Variants in SPDYE4 observed in about 807,000 individuals in gnomAD.
SPDYE4 encodes speedy protein E4.
In SPDYE4, 30 loss-of-function variants were observed where a neutral mutation model predicts 37.5. The observed-to-expected ratio is 0.80, with a 90% CI of 0.60 to 1.09. The LOEUF (loss-of-function observed/expected upper bound fraction) is 1.09. SPDYE4 is among the 50% of genes least tolerant of loss of function. SPDYE4 has a pLI of 0.00. For synonymous variants in SPDYE4, 131 were observed against 120.3 expected, an observed-to-expected ratio of 1.09 and a Z score of -0.58; for missense variants, 300 against 307.9, an observed-to-expected ratio of 0.97 and a Z score of 0.19.
chr17:8,751,334 T>A lies in SPDYE4; in HGVS notation c.*948A>T, dbSNP rs999332743. ...TATTTCTAAACTAGTTAAATAAATG[T>A]AGTAATAATGCCATGCCCATCATTT... On this transcript the variant is annotated 3_prime_UTR_variant, in exon 7 of 7. Coordinates refer to ENST00000689094, the MANE Select transcript of SPDYE4 (RefSeq NM_001394956.1). Among the ~76,000 whole-genome samples the A allele has an allele frequency of 1.3e-5, 2 of 152,210 alleles. No individual in the cohort carries two copies. Among genetic ancestry groups the A allele is most frequent in the African/African-American group, 4.8e-5 (2 of 41,456 alleles).
chr17:8,753,868 T>G (rs2086750906), intron 4 of SPDYE4, among the ~76,000 whole-genome samples: 1 of 152,086 alleles, frequency 6.6e-6, no homozygotes, highest in African/African-American at 2.4e-5. Context: ...GCCATCCTTA[T>G]ACAAGACAGA....
At chr17:8,756,489 G>T in intron 2 of SPDYE4, 53 bp from the exon 3 acceptor site, 8 of 1,537,050 alleles carry the variant, frequency 5.2e-6, no homozygotes, top group Non-Finnish European at 7.2e-6. Flanking sequence ...GTTGCCGTGG[G>T]AGCAGCAGAG....
At chr17:8,756,281 A>C in intron 3 of SPDYE4, 97 bp downstream of exon 3, 1 of 1,131,690 alleles carries the variant, frequency 8.8e-7, no homozygotes, top group Non-Finnish European at 1.3e-6. Context: ...GGGAGATGGT[A>C]GAGGGAGAGA....
Position 8,758,142 on chromosome 17 carries a change from G to A in SPDYE4, c.109+132C>T, listed in dbSNP as rs376980693. Reference sequence around the variant, plus strand: ...CCCATTCCCTGCACCCTCCTTCCCCGATCCCTGGCTTCCTGAGTCCGTCGT... The same window carrying A: ...CCCATTCCCTGCACCCTCCTTCCCCAATCCCTGGCTTCCTGAGTCCGTCGT... On this transcript the variant is annotated intron_variant, in intron 1 of 6. Coordinates refer to ENST00000689094, the MANE Select transcript of SPDYE4 (RefSeq NM_001394956.1). 13 of 747,414 alleles carry A rather than the reference G, an allele frequency of 1.7e-5. No individual in the cohort carries two copies. The African/African-American group carries it at 1.8e-4, about 10-fold the overall frequency. 46.3% of individuals were successfully genotyped at this position (747,414 alleles called of 1,614,324 possible).
downstream of SPDYE4, among the ~76,000 whole-genome samples, chr17:8,749,600 TG>T (rs933237137): frequency 6.6e-6 from 1 of 152,022 alleles, no homozygotes. Flanking sequence ...TGTTTCGCCA[TG>T]TTGCCCAGGC....
chr17:8,757,757 G>A lies in SPDYE4; in HGVS notation c.110-265C>T, dbSNP rs184993651. 3.7e-4 allele frequency among the ~76,000 whole-genome samples: 54 copies of A among 147,128 alleles called. 1 individual carries two copies. In the East Asian group the frequency reaches 7.1e-3, roughly 19 times the overall value. ...GAGAAAAATGGAAACCTTCCCTTGA[G>A]CTCTGTCTGCTCTCTCTCTCTCTCT... On this transcript the variant is annotated intron_variant, in intron 1 of 6. Transcript: ENST00000689094.
intron 6 of SPDYE4, 55 bp downstream of exon 6, chr17:8,753,039 G>C: frequency 7.1e-7 from 1 of 1,415,100 alleles, no homozygotes; most frequent in African/African-American, 1.4e-5. Context: ...TGAGTTCCTT[G>C]GATTTTCTTA....
At chr17:8,750,139 A>G (rs1246432313), downstream of SPDYE4, among the ~76,000 whole-genome samples, 1 of 152,190 alleles carries the variant, frequency 6.6e-6, no homozygotes, top group Non-Finnish European at 1.5e-5. Flanking sequence ...CTGTAATCCT[A>G]GCACTTTGGG....
chr17:8,753,446 G>C lies in SPDYE4; in HGVS notation c.529C>G (p.Gln177Glu). Residue 177 changes from glutamine (Q) to glutamate (E), a missense_variant, in exon 5 of 7, where the codon CAA becomes GAA. Coordinates refer to ENST00000689094, the MANE Select transcript of SPDYE4 (RefSeq NM_001394956.1). ...CCGTAGAGGAAGGAGAAGATGTCTT[G>C]TTTCGGGGCCTGGTTGTCCTCCTCC... Reference protein sequence around the residue: ...DMEEDNQAPKQDIFSFLYGKN... With the variant: ...DMEEDNQAPKEDIFSFLYGKN... 1 of 1,612,956 alleles carries C rather than the reference G, an allele frequency of 6.2e-7. No individual in the cohort carries two copies. The highest frequency in any genetic ancestry group is 1.1e-5 in the South Asian group (1 of 90,882).
intron 4 of SPDYE4, chr17:8,755,275 C>T (rs1271296976): frequency 2.5e-6 from 1 of 402,868 alleles, no homozygotes; most frequent in South Asian, 4.0e-5. Context: ...GTCGTGTCCA[C>T]GGCTTTCCTT....
Position 8,757,326 on chromosome 17 carries a change from C to T in SPDYE4, c.276G>A (p.Lys92=), listed in dbSNP as rs369379356. Residue 92 remains lysine, a synonymous_variant, in exon 2 of 7, where the codon AAG becomes AAA. Transcript: ENST00000689094. The part of the protein sequence containing the change: ...VVETLCGLKM[K]LKRKRASSVL... Reference sequence around the variant, plus strand: ...CGGAGGATGCTCGCTTTCGCTTCAGCTTCATCTTGAGCCCACACAGCGTCT... The same window carrying T: ...CGGAGGATGCTCGCTTTCGCTTCAGTTTCATCTTGAGCCCACACAGCGTCT... 1.9e-6 allele frequency: 3 copies of T among 1,603,140 alleles called. No individual in the cohort carries two copies. Among genetic ancestry groups the T allele is most frequent in the African/African-American group, 1.3e-5 (1 of 74,718 alleles).
chr17:8,757,187 G>A, intron 2 of SPDYE4, 75 bp downstream of exon 2: 1 of 1,388,794 alleles, frequency 7.2e-7, no homozygotes, highest in Non-Finnish European at 9.9e-7. Flanking sequence ...TTCTTATTGG[G>A]AAAGTGTGAT....
chr17:8,750,634 C>T (rs1313415649), downstream of SPDYE4, among the ~76,000 whole-genome samples: 1 of 151,636 alleles, frequency 6.6e-6, no homozygotes, highest in Non-Finnish European at 1.5e-5. Flanking sequence ...GGCGTGAACA[C>T]AGGAGGTGGA....
Position 8,752,201 on chromosome 17 carries a change from C to T in SPDYE4, c.*81G>A, listed in dbSNP as rs1301766663. ...CTGGCATTAGCGTCGCGATAAACTT[C>T]CTGCTGAAAATTCCCATCTCCCCTG... On this transcript the variant is annotated 3_prime_UTR_variant, in exon 7 of 7. Coordinates refer to ENST00000689094, the MANE Select transcript of SPDYE4 (RefSeq NM_001394956.1). 6.6e-6 allele frequency among the ~76,000 whole-genome samples: 1 copy of T among 152,162 alleles called. No individual in the cohort carries two copies. The highest frequency in any genetic ancestry group is 2.4e-5 in the African/African-American group (1 of 41,422).
chr17:8,757,786 T>TCTCTCTC (rs534306602), intron 1 of SPDYE4, among the ~76,000 whole-genome samples: 7 of 114,142 alleles, frequency 6.1e-5, no homozygotes, highest in South Asian at 2.8e-4. Flanking sequence ...TCTCTCTCTC[T>TCTCTCTC]TTTTTTTTTT....
chr17:8,753,098 C>T lies in SPDYE4; in HGVS notation c.*40G>A. 2 of 1,610,788 alleles carry T rather than the reference C, an allele frequency of 1.2e-6. No homozygotes were observed. Among genetic ancestry groups the T allele is most frequent in the Non-Finnish European group, 1.7e-6 (2 of 1,177,382 alleles). On this transcript the variant is annotated 3_prime_UTR_variant, in exon 6 of 7. Transcript: ENST00000689094. ...CCCTGGAGGATACACACGTACCTTCCCTCAGGCCGATGACCTCAGGCCTCC... is the reference window on the plus strand; with the variant it reads ...CCCTGGAGGATACACACGTACCTTCTCTCAGGCCGATGACCTCAGGCCTCC...
intron 2 of SPDYE4, among the ~76,000 whole-genome samples, 181 bp from the exon 3 acceptor site, chr17:8,756,617 T>C (rs939194290): frequency 6.6e-6 from 1 of 152,122 alleles, no homozygotes; most frequent in African/African-American, 2.4e-5. Flanking sequence ...CGCTCTGAGA[T>C]TCCCCTGAGG....
Position 8,753,420 on chromosome 17 carries a change from C to T in SPDYE4, c.555G>A (p.Gly185=). The part of the protein sequence containing the change: ...PKQDIFSFLY[G]KNYSQRPLFH... ...ACAAGGGTCGCTGGGAGTAGTTCTT[C>T]CCGTAGAGGAAGGAGAAGATGTCTT... Residue 185 remains glycine, a synonymous_variant, in exon 5 of 7, where the codon GGG becomes GGA. Coordinates refer to ENST00000689094, the MANE Select transcript of SPDYE4 (RefSeq NM_001394956.1). 6.2e-7 allele frequency: 1 copy of T among 1,607,930 alleles called. No homozygotes were observed. The highest frequency in any genetic ancestry group is 8.5e-7 in the Non-Finnish European group (1 of 1,177,038).
At position 8,758,519 on chromosome 17, in the gene SPDYE4, A is replaced by G. The variant is rs2086794371; in HGVS notation, c.-137T>C. ...TCGGGAGAAGTTAGGAGTGAAGAGTAGTTCTGAGAAGTTGCTGTTGTCCAC... is the reference window on the plus strand; with the variant it reads ...TCGGGAGAAGTTAGGAGTGAAGAGTGGTTCTGAGAAGTTGCTGTTGTCCAC... On this transcript the variant is annotated 5_prime_UTR_variant, in exon 1 of 7. Transcript: ENST00000689094. 3 of 751,066 alleles carry G rather than the reference A, an allele frequency of 4.0e-6. No individual in the cohort carries two copies. Among genetic ancestry groups the G allele is most frequent in the Non-Finnish European group, 6.5e-6 (3 of 463,566 alleles). The allele number at this position is 751,066 out of a possible 1,614,324, so 46.5% of individuals were successfully genotyped here.
Sources: allele counts gnomAD v4.1 joint callset (sites outside exome capture counted in the v4.1 genomes callset), GRCh38; gene constraint gnomAD v4.1.1; transcripts MANE v1.5; gene names NCBI Gene and HGNC (gene_info 2026-07-23, HGNC 2026-07-21).